The following SORCS2 variants were observed in gnomAD, a reference collection of about 807,000 sequenced individuals.
SORCS2 encodes sortilin related VPS10 domain containing receptor 2.
SORCS2 carries 100 observed loss-of-function variants against 141.6 expected under a neutral mutation model. That is an observed-to-expected ratio of 0.71 (90% CI 0.60 to 0.83). The LOEUF (loss-of-function observed/expected upper bound fraction) is 0.83, where lower values mean the gene tolerates loss of function less well. Ranked by LOEUF, SORCS2 falls within the 40% of genes least tolerant of loss-of-function variation. SORCS2 has a pLI of 0.00. For missense variants in SORCS2, 1,646 were observed against 1,560.2 expected (o/e 1.05, Z -0.93); for synonymous variants, 789 against 676.9 (o/e 1.17, Z -2.57).
chr4:7,301,898 A>T (rs1404912101), intron 1 of SORCS2, among the ~76,000 whole-genome samples: 1 of 152,188 alleles, frequency 6.6e-6, no homozygotes, highest in Non-Finnish European at 1.5e-5. Flanking sequence ...TATTCAGAGA[A>T]ACACATCAGT....
intron 2 of SORCS2, among the ~76,000 whole-genome samples, chr4:7,421,357 G>A (rs1560270190): frequency 6.6e-6 from 1 of 152,216 alleles, no homozygotes; most frequent in Non-Finnish European, 1.5e-5. Context: ...ATAGATCTGA[G>A]TTCCAGTCCT....
intron 21 of SORCS2, among the ~76,000 whole-genome samples, chr4:7,727,437 C>CG (rs1225710978): frequency 7.1e-6 from 1 of 141,262 alleles, no homozygotes; most frequent in Non-Finnish European, 1.5e-5. Context: ...ACCCCCCCCC[C>CG]CCTTGTCAAG....
chr4:7,567,814 T>G (rs978359126), intron 3 of SORCS2, among the ~76,000 whole-genome samples: 1 of 152,236 alleles, frequency 6.6e-6, no homozygotes, highest in African/African-American at 2.4e-5. Context: ...TTTATTTATT[T>G]AATCATGTAT....
intron 2 of SORCS2, among the ~76,000 whole-genome samples, chr4:7,412,686 C>T (rs372856212): frequency 1.3e-5 from 2 of 152,240 alleles, no homozygotes; most frequent in East Asian, 1.9e-4. Context: ...CTCCCCACCC[C>T]TGGGGCGGGG....
intron 3 of SORCS2, among the ~76,000 whole-genome samples, chr4:7,635,345 C>T (rs1560443201): frequency 6.6e-6 from 1 of 152,314 alleles, no homozygotes; most frequent in Middle Eastern, 3.4e-3. Context: ...CAAGCAGGAA[C>T]TCGCTAGGCT....
intron 9 of SORCS2, among the ~76,000 whole-genome samples, chr4:7,678,174 G>T (rs1461451292): frequency 6.6e-6 from 1 of 152,270 alleles, no homozygotes; most frequent in African/African-American, 2.4e-5. Flanking sequence ...ACAGCACAGG[G>T]GCGGTTGGCC....
intron 3 of SORCS2, among the ~76,000 whole-genome samples, chr4:7,548,826 A>G (rs926646272): frequency 2.0e-5 from 3 of 152,214 alleles, no homozygotes; most frequent in Admixed American, 6.5e-5. Context: ...GAGCAGCCAC[A>G]TCTAACATGA....
chr4:7,718,176 A>T lies in SORCS2; in HGVS notation c.2417A>T (p.Gln806Leu). 1 of 1,610,182 alleles carries T rather than the reference A, an allele frequency of 6.2e-7. No homozygotes were observed. The highest frequency in any genetic ancestry group is 8.5e-7 in the Non-Finnish European group (1 of 1,179,268). ...PGEDVLFVVR[Q>L]EQGDVLTTKY... ...GAGGACGTCCTGTTTGTGGTGCGGC[A>T]GGAGCAGGTGAGTGAGCACCTCCCA... Residue 806 changes from glutamine (Q) to leucine (L), a missense_variant, in exon 18 of 27, where the codon CAG (glutamine) becomes CTG (leucine). By Grantham distance (113) the Gln-to-Leu change is moderately radical. Transcript: ENST00000507866.
intron 1 of SORCS2, among the ~76,000 whole-genome samples, chr4:7,375,402 T>C (rs1180519402): frequency 2.0e-5 from 3 of 152,202 alleles, no homozygotes; most frequent in African/African-American, 7.2e-5. Context: ...CCGTGTTGGG[T>C]GAGAGATCTC....
intron 1 of SORCS2, among the ~76,000 whole-genome samples, chr4:7,295,921 G>C (rs553825757): frequency 3.3e-5 from 5 of 152,344 alleles, no homozygotes; most frequent in South Asian, 4.1e-4. Flanking sequence ...TCCCATGGCT[G>C]GGGCTAATGG....
At chr4:7,603,128 C>G (rs565120848) in intron 3 of SORCS2, among the ~76,000 whole-genome samples, 221 of 148,816 alleles carry the variant, frequency 1.5e-3, no homozygotes, top group Non-Finnish European at 2.6e-3. Flanking sequence ...AGCCTCCGCT[C>G]GGCATCAGAG....
intron 1 of SORCS2, among the ~76,000 whole-genome samples, chr4:7,353,475 G>C (rs1338706903): frequency 6.6e-6 from 1 of 152,230 alleles, no homozygotes; most frequent in Admixed American, 6.5e-5. Context: ...AGGGTCTGCA[G>C]GGCCTGGTGG....
At chr4:7,618,736 T>G (rs553124659) in intron 3 of SORCS2, among the ~76,000 whole-genome samples, 6 of 152,082 alleles carry the variant, frequency 3.9e-5, no homozygotes, top group Non-Finnish European at 8.8e-5. Flanking sequence ...CACCCCACCC[T>G]AGGACTTGCA....
chr4:7,723,937 C>T (rs974117455), intron 19 of SORCS2, 54 bp downstream of exon 19: 1 of 1,500,486 alleles, frequency 6.7e-7, no homozygotes, highest in Non-Finnish European at 8.9e-7. Context: ...GAGAGAGAAC[C>T]TGGCTTTGGG....
intron 1 of SORCS2, among the ~76,000 whole-genome samples, chr4:7,368,966 C>T (rs1250619862): frequency 1.3e-5 from 2 of 152,134 alleles, no homozygotes; most frequent in Admixed American, 6.5e-5. Flanking sequence ...GAGCTTTCCG[C>T]CATCATGGTG....
rs1721210159 is a variant in SORCS2, at chr4:7,648,262, TCTG to T, written c.814-5868_814-5866del. On this transcript the variant is annotated intron_variant, in intron 4 of 26. Coordinates refer to ENST00000507866, the MANE Select transcript of SORCS2 (RefSeq NM_020777.3). The surrounding 1 kb of genome is among the most constrained non-coding windows in gnomAD (Gnocchi z 4.2). ...GGGCTGGTTGAGAAAGGAGCCAGCT[TCTG>T]CTGGGCCCTGCTAAGTTGGGGGTGG... Among the ~76,000 whole-genome samples, 1 of 152,016 alleles carries T rather than the reference TCTG, an allele frequency of 6.6e-6. No homozygotes were observed. The highest frequency in any genetic ancestry group is 1.5e-5 in the Non-Finnish European group (1 of 67,994).
chr4:7,373,478 A>ATTTTTTTT lies in SORCS2; in HGVS notation c.481-22789_481-22782dup, dbSNP rs71173496. 2.1e-3 allele frequency among the ~76,000 whole-genome samples: 78 copies of ATTTTTTTT among 36,802 alleles called. 8 individuals are homozygous for ATTTTTTTT. Among genetic ancestry groups the ATTTTTTTT allele is most frequent in the Non-Finnish European group, 2.3e-3 (56 of 24,116 alleles). 24.1% of individuals were successfully genotyped at this position (36,802 alleles called of 152,430 possible). On this transcript the variant is annotated intron_variant, in intron 1 of 26. Coordinates refer to ENST00000507866, the MANE Select transcript of SORCS2 (RefSeq NM_020777.3). ...AACTTTTATATATATATATATATAT[A>ATTTTTTTT]TTTTTTTTTTTTTTTTTTTTTTTTT...
intron 3 of SORCS2, among the ~76,000 whole-genome samples, chr4:7,624,801 G>C (rs1719417826): frequency 6.6e-6 from 1 of 152,238 alleles, no homozygotes; most frequent in Non-Finnish European, 1.5e-5. Context: ...TTTTAGCATT[G>C]TCTGCAAAAT....
At chr4:7,229,009 G>A (rs1006620057) in intron 1 of SORCS2, among the ~76,000 whole-genome samples, 6 of 152,216 alleles carry the variant, frequency 3.9e-5, no homozygotes, top group Admixed American at 1.3e-4. Flanking sequence ...GGCCTGCCGC[G>A]CCTTGCTCTG....
Sources: allele counts gnomAD v4.1 joint callset (sites outside exome capture counted in the v4.1 genomes callset), GRCh38; gene constraint gnomAD v4.1.1; non-coding constraint Gnocchi (gnomAD v3.1); transcripts MANE v1.5; gene names NCBI Gene and HGNC (gene_info 2026-07-23, HGNC 2026-07-21).